Variants in SIGIRR observed in about 807,000 individuals in gnomAD.
SIGIRR encodes single Ig IL-1-related receptor.
Under a neutral mutation model 45.6 loss-of-function variants are expected in SIGIRR, and 41 were observed. The ratio of observed to expected loss-of-function variants is 0.90; its 90% CI spans 0.70 to 1.17. The LOEUF (loss-of-function observed/expected upper bound fraction) is 1.17. SIGIRR is among the 50% of genes most tolerant of loss of function. The probability of loss-of-function intolerance (pLI) is 0.00; values close to 1 mark genes in which losing one functional copy is unlikely to be tolerated. For missense variants in SIGIRR, 599 were observed against 539.6 expected (o/e 1.11, Z -1.09); for synonymous variants, 298 against 239.0 (o/e 1.25, Z -2.28).
Position 406,750 on chromosome 11 carries a change from G to A in SIGIRR, c.879+93C>T. The A allele has an allele frequency of 6.3e-6, 9 of 1,431,482 alleles. No individual in the cohort carries two copies. In the South Asian group the frequency reaches 1.3e-4, roughly 21 times the overall value. 88.7% of individuals were successfully genotyped at this position (1,431,482 alleles called of 1,614,324 possible). ...CCCATTCACAAAGCGTGGTGCCGCA[G>A]AGCTCCCCACGGAGGGGTCCCAGCC... On this transcript the variant is annotated intron_variant, in intron 8 of 9. Coordinates refer to ENST00000431843, the MANE Select transcript of SIGIRR (RefSeq NM_001135054.2).
Position 406,019 on chromosome 11 carries a change from C to T in SIGIRR, c.1110G>A (p.Pro370=), listed in dbSNP as rs780320010. The change falls in exon 10 of 10, where the codon CCG becomes CCA. Residue 370 remains proline, a synonymous_variant. Transcript: ENST00000431843. The part of the protein sequence containing the change: ...GPVFGEPSAP[P]HTSGVSLGES... ...CTCCCAGCGAGACCCCACTGGTGTG[C>T]GGTGGAGCTGATGGCTCTCCAAAGA... The T allele has an allele frequency of 2.5e-6, 4 of 1,607,066 alleles. No individual in the cohort carries two copies. Among genetic ancestry groups the T allele is most frequent in the East Asian group, 2.2e-5 (1 of 44,594 alleles).
intron 3 of SIGIRR, 51 bp from the exon 4 acceptor site, chr11:408,257 C>G (rs776016979): frequency 6.3e-7 from 1 of 1,592,156 alleles, no homozygotes; most frequent in South Asian, 1.1e-5. Context: ...CAGTGGACAC[C>G]CCCGAACCCC....
At chr11:409,032 G>A in intron 2 of SIGIRR, 139 bp from the exon 3 acceptor site, 1 of 769,270 alleles carries the variant, frequency 1.3e-6, no homozygotes, top group Non-Finnish European at 2.2e-6. Context: ...AGTCCCATGG[G>A]GACAGGCTTA....
intron 5 of SIGIRR, 105 bp downstream of exon 5, chr11:407,711 CG>C: frequency 6.4e-7 from 1 of 1,569,752 alleles, no homozygotes; most frequent in Non-Finnish European, 8.6e-7. Context: ...ACAGAGCACC[CG>C]GGGGCTAACC....
At chr11:410,219 C>A (rs1415720902) in intron 1 of SIGIRR, among the ~76,000 whole-genome samples, 192 bp from the exon 2 acceptor site, 2 of 152,172 alleles carry the variant, frequency 1.3e-5, no homozygotes, top group Non-Finnish European at 2.9e-5. Context: ...CCACTTCACG[C>A]AGCCCAGGAC....
At chr11:410,984 GGGA>G (rs1847583632) in intron 1 of SIGIRR, among the ~76,000 whole-genome samples, 1 of 17,144 alleles carries the variant, frequency 5.8e-5, no homozygotes. Flanking sequence ...GATGCAGTCG[GGGA>G]GGGGGGTGCC....
At chr11:410,337 A>G (rs557369777) in intron 1 of SIGIRR, among the ~76,000 whole-genome samples, 6 of 152,096 alleles carry the variant, frequency 3.9e-5, no homozygotes, top group East Asian at 1.9e-4. Context: ...GTCTCCCGAC[A>G]TGGCAGTTGG....
At chr11:406,776 T>C in intron 8 of SIGIRR, 67 bp downstream of exon 8, 9 of 1,450,490 alleles carry the variant, frequency 6.2e-6, no homozygotes, top group South Asian at 1.4e-5. Flanking sequence ...GGTCCCAGCC[T>C]GGAGCCCGGG....
intron 2 of SIGIRR, chr11:409,226 A>T (rs1177780960): frequency 1.5e-5 from 7 of 461,608 alleles, no homozygotes; most frequent in Admixed American, 3.0e-5. Flanking sequence ...CCTGTTGCCC[A>T]CCCCTGGTGA....
Position 405,812 on chromosome 11 carries a change from G to A in SIGIRR, c.*84C>T. On this transcript the variant is annotated 3_prime_UTR_variant, in exon 10 of 10. Transcript: ENST00000431843. ...TGGCAGGGTCCCAGGGCTGCTGGCA[G>A]GGGTTGTGGTCCTGTTGAGCAGAGG... The A allele has an allele frequency of 6.7e-7, 1 of 1,483,712 alleles. No individual in the cohort carries two copies. Among genetic ancestry groups the A allele is most frequent in the Non-Finnish European group, 9.0e-7 (1 of 1,105,248 alleles). The allele number at this position is 1,483,712 out of a possible 1,614,324, so 91.9% of individuals were successfully genotyped here. A position where few individuals can be genotyped will look rare whatever the true frequency, so the allele number is the denominator to read the frequency against.
At chr11:410,233 G>A (rs1438666328) in intron 1 of SIGIRR, among the ~76,000 whole-genome samples, 1 of 152,182 alleles carries the variant, frequency 6.6e-6, no homozygotes, top group South Asian at 2.1e-4. Flanking sequence ...CCAGGACCAC[G>A]GGGAGGGGCC....
At position 407,115 on chromosome 11, in the gene SIGIRR, G is replaced by GGTT; in HGVS notation, c.674_675insAAC (p.Ile225_Val226insThr). On this transcript the variant is annotated inframe_insertion, in exon 7 of 10. Coordinates refer to ENST00000431843, the MANE Select transcript of SIGIRR (RefSeq NM_001135054.2). ...TCAGGAAGGCGTCCGAAAGCACCAC[G>GGTT]ATGAGGCGTCGGCAGCGGCTCAGGT... 3.9e-6 allele frequency: 6 copies of GGTT among 1,544,492 alleles called. No homozygotes were observed. The highest frequency in any genetic ancestry group is 3.8e-5 in the Admixed American group (2 of 52,952).
chr11:412,815 C>A lies in SIGIRR; in HGVS notation c.-154+2008G>T, dbSNP rs1236844176. 2.6e-5 allele frequency among the ~76,000 whole-genome samples: 4 copies of A among 152,120 alleles called. 1 individual carries two copies. The highest frequency in any genetic ancestry group is 5.9e-5 in the Non-Finnish European group (4 of 68,000). On this transcript the variant is annotated intron_variant, in intron 1 of 9. Coordinates refer to ENST00000431843, the MANE Select transcript of SIGIRR (RefSeq NM_001135054.2). ...CCTCGAAACACCTCGGGAAACACCT[C>A]GGGAACCCTCAGCTTAGCCTCGCCC...
Position 406,925 on chromosome 11 carries a change from C to T in SIGIRR, c.797G>A (p.Arg266His), listed in dbSNP as rs776939952. 5 of 1,597,836 alleles carry T rather than the reference C, an allele frequency of 3.1e-6. No homozygotes were observed. Among genetic ancestry groups the T allele is most frequent in the Non-Finnish European group, 4.2e-6 (5 of 1,176,604 alleles). ...PIFITFEGQR[R>H]DPAHPALRLL... Reference sequence around the variant, plus strand: ...GCGGAGCGCCGGGTGCGCGGGGTCGCGCCTCTGGCCCTCGAAGGTGATGAA... The same window carrying T: ...GCGGAGCGCCGGGTGCGCGGGGTCGTGCCTCTGGCCCTCGAAGGTGATGAA... Residue 266 changes from arginine (R) to histidine (H), a missense_variant, in exon 8 of 10, where the codon CGC becomes CAC. Transcript: ENST00000431843.
rs761640183 is a variant in SIGIRR, at chr11:407,540, G to A, written c.510C>T (p.Ser170=). Residue 170 remains serine (S), a synonymous_variant, in exon 6 of 10, where the codon TCC becomes TCT. Transcript: ENST00000431843. Reference sequence around the variant, plus strand: ...TGCGGTCCTCGGGGCAGTCGCTGTAGGAGACGTAGGCGTCGTAGAGCTTCC... The same window carrying A: ...TGCGGTCCTCGGGGCAGTCGCTGTAAGAGACGTAGGCGTCGTAGAGCTTCC... ...NDGKLYDAYV[S]YSDCPEDRKF... 7 of 1,609,538 alleles carry A rather than the reference G, an allele frequency of 4.3e-6. No individual in the cohort carries two copies. The Admixed American group carries it at 1.2e-4, about 27-fold the overall frequency.
chr11:408,588 G>T, intron 3 of SIGIRR, 107 bp downstream of exon 3: 1 of 1,330,244 alleles, frequency 7.5e-7, no homozygotes, highest in Non-Finnish European at 1.1e-6. Context: ...CACTCTGCTC[G>T]TGACATGTCT....
At chr11:410,187 T>C (rs1847522434) in intron 1 of SIGIRR, among the ~76,000 whole-genome samples, 160 bp from the exon 2 acceptor site, 1 of 152,124 alleles carries the variant, frequency 6.6e-6, no homozygotes. Context: ...TTTGAGCCCC[T>C]CACACGTGGC....
intron 1 of SIGIRR, among the ~76,000 whole-genome samples, chr11:411,104 G>A (rs868233907): frequency 7.0e-5 from 2 of 28,388 alleles, no homozygotes; most frequent in Non-Finnish European, 1.3e-4. Flanking sequence ...GGATGCAGTC[G>A]GGCGGGGGGG....
upstream of SIGIRR, among the ~76,000 whole-genome samples, chr11:415,711 A>C (rs116346538): frequency 5.4e-3 from 819 of 152,286 alleles, 7 homozygotes; most frequent in African/African-American, 0.019. This position sits in a 1 kb window ranked among gnomAD's most constrained non-coding sequence, Gnocchi z 6.6. Context: ...TTTCCAAATA[A>C]GGAGCAAACA....
Sources: gnomAD v4.1 joint callset for allele counts (sites outside exome capture counted in the v4.1 genomes callset) on GRCh38, gnomAD v4.1.1 for gene constraint, Gnocchi (gnomAD v3.1) non-coding constraint, MANE v1.5 for transcripts, NCBI Gene and HGNC (gene_info 2026-07-23, HGNC 2026-07-21) for gene names.